Variants in PI4KA observed in about 807,000 individuals in gnomAD.
PI4KA encodes the protein PI4-kinase alpha.
In PI4KA, 122 loss-of-function variants were observed where a neutral mutation model predicts 271.4. That is an observed-to-expected ratio of 0.45 (90% confidence interval 0.39 to 0.52). The LOEUF (loss-of-function observed/expected upper bound fraction) is 0.52. Among genes scored for constraint, PI4KA ranks in the 20% least tolerant of loss-of-function variants. The pLI is 0.00. For missense variants in PI4KA, 1,969 were observed against 2,769.1 expected (o/e 0.71, Z 6.48); for synonymous variants, 1,041 against 1,078.8 (o/e 0.96, Z 0.69).
Position 20,733,109 on chromosome 22 carries a change from C to T in PI4KA, c.4161-11G>A, listed in dbSNP as rs777955059. ...AACTTTGGGGGACAGCTTCAAACAA[C>T]CATAAGAGGACAAGGGCTGAGTGTC... On this transcript the variant is annotated splice_polypyrimidine_tract_variant and intron_variant, in intron 35 of 54. Coordinates refer to ENST00000255882, the MANE Select transcript of PI4KA (RefSeq NM_058004.4). The T allele has an allele frequency of 2.2e-5, 35 of 1,611,846 alleles. 1 individual carries two copies. In the South Asian group the frequency reaches 3.2e-4, roughly 15 times the overall value.
At chr22:20,721,928 G>A (rs9620448) in intron 42 of PI4KA, 11,069 of 160,164 alleles carry the variant, frequency 0.069, 1,167 homozygotes, top group African/African-American at 0.23. Flanking sequence ...GAGACCTGGT[G>A]GGAGGTGACT....
At chr22:20,790,463 C>A (rs1455408465) in intron 19 of PI4KA, among the ~76,000 whole-genome samples, 1 of 151,932 alleles carries the variant, frequency 6.6e-6, no homozygotes, top group Non-Finnish European at 1.5e-5. Context: ...GAGTTTGAGA[C>A]CAGCCTGGTG....
At position 20,814,829 on chromosome 22, in the gene PI4KA, AAAAT is replaced by A. The variant is rs148182084; in HGVS notation, c.857-1327_857-1324del. ...AAAAAAAGAAGGAAAAAAATCAACA[AAAAT>A]AAAGTCATTCAGTCATTTGACATTT... On this transcript the variant is annotated intron_variant, in intron 7 of 54. Transcript: ENST00000255882. Among the ~76,000 whole-genome samples, 1,356 of 152,152 alleles carry A rather than the reference AAAAT, an allele frequency of 8.9e-3. 21 individuals carry two copies. The highest frequency in any genetic ancestry group is 0.029 in the African/African-American group (1,220 of 41,502).
At chr22:20,779,837 AC>A (rs1364974980) in intron 19 of PI4KA, 1 of 1,614,246 alleles carries the variant, frequency 6.2e-7, no homozygotes, top group South Asian at 1.1e-5. Context: ...AGACCCATGA[AC>A]AAGTGCACTC....
At chr22:20,781,260 C>T (rs184069297) in intron 19 of PI4KA, among the ~76,000 whole-genome samples, 1 of 152,248 alleles carries the variant, frequency 6.6e-6, no homozygotes, top group East Asian at 1.9e-4. Flanking sequence ...CTGGACCAGA[C>T]CAGAAGAAAC....
At chr22:20,841,841 T>C (rs1436516083) in intron 1 of PI4KA, among the ~76,000 whole-genome samples, 2 of 152,158 alleles carry the variant, frequency 1.3e-5, no homozygotes, top group Non-Finnish European at 2.9e-5. Context: ...GATGGGGGCT[T>C]GGCCAACCAT....
At chr22:20,768,377 T>C (rs1001109251) in intron 19 of PI4KA, among the ~76,000 whole-genome samples, 2 of 152,122 alleles carry the variant, frequency 1.3e-5, no homozygotes, top group African/African-American at 4.8e-5. Flanking sequence ...CAGCCAAGAA[T>C]CATATTTTCT....
At chr22:20,793,364 G>A (rs1488140684) in intron 18 of PI4KA, 121 bp from the exon 19 acceptor site, 1 of 632,834 alleles carries the variant, frequency 1.6e-6, no homozygotes, top group African/African-American at 1.8e-5. Flanking sequence ...GAGAAATGAT[G>A]AGAGATATGC....
chr22:20,720,970 T>C (rs1416879832), intron 43 of PI4KA, among the ~76,000 whole-genome samples: 1 of 152,232 alleles, frequency 6.6e-6, no homozygotes, highest in Admixed American at 6.5e-5. Flanking sequence ...TGGGAACCGC[T>C]GCCCTGGGCT....
intron 19 of PI4KA, among the ~76,000 whole-genome samples, chr22:20,788,221 G>C (rs1257553323): frequency 1.3e-5 from 2 of 152,184 alleles, no homozygotes; most frequent in African/African-American, 2.4e-5. Context: ...GGTTGGAAGA[G>C]TTCTGAAACC....
chr22:20,780,248 T>C (rs1459578909), intron 19 of PI4KA: 1 of 1,612,800 alleles, frequency 6.2e-7, no homozygotes, highest in Non-Finnish European at 8.5e-7. Flanking sequence ...CAACATACTA[T>C]TTTTGTATGT....
chr22:20,853,571 G>T (rs1290112769), intron 1 of PI4KA, among the ~76,000 whole-genome samples: 1 of 152,202 alleles, frequency 6.6e-6, no homozygotes, highest in Non-Finnish European at 1.5e-5. Flanking sequence ...GAGGGCTGAG[G>T]ACTGGGTAGG....
At chr22:20,710,659 C>T (rs374694580) in intron 52 of PI4KA, 40 bp downstream of exon 52, 3 of 1,608,236 alleles carry the variant, frequency 1.9e-6, no homozygotes, top group Non-Finnish European at 2.6e-6. Context: ...ACGTTCCACA[C>T]ACCCCCTCCG....
At chr22:20,723,903 A>G (rs1322248894) in intron 42 of PI4KA, among the ~76,000 whole-genome samples, 1 of 151,646 alleles carries the variant, frequency 6.6e-6, no homozygotes, top group Non-Finnish European at 1.5e-5. Flanking sequence ...CAGTGGCATG[A>G]TCTTGGCTCA....
At chr22:20,761,158 G>A in intron 23 of PI4KA, 146 bp downstream of exon 23, 3 of 630,436 alleles carry the variant, frequency 4.8e-6, no homozygotes, top group South Asian at 3.8e-5. Context: ...TATATTTGAA[G>A]GCTATATGTT....
At chr22:20,824,665 G>T (rs1336172818) in intron 3 of PI4KA, among the ~76,000 whole-genome samples, 1 of 151,868 alleles carries the variant, frequency 6.6e-6, no homozygotes. Flanking sequence ...CCAATAGCTA[G>T]TGTGAGATAA....
chr22:20,765,290 G>A, intron 20 of PI4KA, 54 bp from the exon 21 acceptor site: 5 of 1,533,022 alleles, frequency 3.3e-6, no homozygotes, highest in Non-Finnish European at 4.4e-6. Context: ...AAGCACTGCA[G>A]TGAGGTTGAC....
Position 20,807,421 on chromosome 22 carries a change from C to T in PI4KA, c.1109G>A (p.Ser370Asn). The change falls in exon 10 of 55, where the codon AGT (serine) becomes AAT (asparagine). Residue 370 changes from serine to asparagine, a missense_variant. Physicochemically the swap from Ser to Asn is conservative, Grantham distance 46. Transcript: ENST00000255882. ...PSADLYYTSF[S>N]DPLYLTMFKM... is the part of the protein sequence containing the mutation. Reference sequence around the variant, plus strand: ...GAACATGGTCAGGTAGAGAGGGTCACTGAAGGAAGTGTAGTAGAGATCAGC... The same window carrying T: ...GAACATGGTCAGGTAGAGAGGGTCATTGAAGGAAGTGTAGTAGAGATCAGC... 1.2e-6 allele frequency: 2 copies of T among 1,613,524 alleles called. No homozygotes were observed. Among genetic ancestry groups the T allele is most frequent in the South Asian group, 1.1e-5 (1 of 91,066 alleles).
intron 30 of PI4KA, 146 bp from the exon 31 acceptor site, chr22:20,742,910 C>A: frequency 1.5e-6 from 1 of 665,908 alleles, no homozygotes; most frequent in Non-Finnish European, 2.7e-6. Flanking sequence ...GAGACAGGCT[C>A]ATTTCAATGA....
Sources: allele counts gnomAD v4.1 joint callset (sites outside exome capture counted in the v4.1 genomes callset), GRCh38; gene constraint gnomAD v4.1.1; transcripts MANE v1.5; gene names NCBI Gene and HGNC (gene_info 2026-07-23, HGNC 2026-07-21).